DGKB: variants seen among roughly 807,000 people sequenced by gnomAD.
The protein encoded by DGKB is diacylglycerol kinase beta.
DGKB carries 67 observed loss-of-function variants against 114.3 expected under a neutral mutation model. That is an observed-to-expected ratio of 0.59 (90% confidence interval 0.48 to 0.72). The LOEUF (loss-of-function observed/expected upper bound fraction) is 0.72, where lower values mean the gene tolerates loss of function less well. Ranked by LOEUF, DGKB falls within the 30% of genes least tolerant of loss-of-function variation. DGKB has a pLI of 0.00. For missense variants in DGKB, 907 were observed against 975.2 expected, an observed-to-expected ratio of 0.93 and a Z score of 0.93; for synonymous variants, 398 against 323.1, an observed-to-expected ratio of 1.23 and a Z score of -2.49.
chr7:14,328,712 C>T (rs904350964), intron 23 of DGKB, among the ~76,000 whole-genome samples: 2 of 151,978 alleles, frequency 1.3e-5, no homozygotes, highest in South Asian at 4.1e-4. Context: ...AACAGTGCAG[C>T]ATTCAGCAGG....
chr7:14,685,540 A>C (rs1821532720), intron 9 of DGKB, among the ~76,000 whole-genome samples, 178 bp from the exon 10 acceptor site: 1 of 152,196 alleles, frequency 6.6e-6, no homozygotes, highest in Non-Finnish European at 1.5e-5. Context: ...CAGTGAAATG[A>C]GATAGTGCTA....
intron 23 of DGKB, among the ~76,000 whole-genome samples, chr7:14,186,875 T>A (rs957597103): frequency 6.6e-6 from 1 of 151,182 alleles, no homozygotes; most frequent in Non-Finnish European, 1.5e-5. Context: ...GGGGGAAGAG[T>A]TGGAGAGGGG....
intron 21 of DGKB, among the ~76,000 whole-genome samples, chr7:14,420,369 G>A (rs529621703): frequency 1.3e-5 from 2 of 151,934 alleles, no homozygotes; most frequent in Admixed American, 6.6e-5. Flanking sequence ...ATCTGCAAGA[G>A]GGTTTTCAGA....
intron 20 of DGKB, among the ~76,000 whole-genome samples, chr7:14,492,052 A>C (rs757255835): frequency 1.4e-4 from 22 of 152,108 alleles, no homozygotes; most frequent in Non-Finnish European, 2.8e-4. Flanking sequence ...TAAATGATTA[A>C]TTTTTAATTC....
intron 3 of DGKB, among the ~76,000 whole-genome samples, chr7:14,756,355 T>A (rs181961841): frequency 6.6e-6 from 1 of 151,988 alleles, no homozygotes; most frequent in East Asian, 1.9e-4. Flanking sequence ...GTTTAGCTGC[T>A]AATTTTTTTT....
At chr7:14,493,527 T>C (rs1013278220) in intron 20 of DGKB, among the ~76,000 whole-genome samples, 6 of 152,056 alleles carry the variant, frequency 3.9e-5, no homozygotes, top group African/African-American at 1.4e-4. Context: ...AACAAGATGA[T>C]ATGAAGCTTA....
intron 13 of DGKB, among the ~76,000 whole-genome samples, chr7:14,659,066 C>A (rs2049448): frequency 0.22 from 33,740 of 151,684 alleles, 4,742 homozygotes; most frequent in East Asian, 0.73. Context: ...GTTCTCCCTC[C>A]CCTAACCCCC....
chr7:14,714,526 A>G (rs1050357158), intron 6 of DGKB, among the ~76,000 whole-genome samples: 4 of 152,158 alleles, frequency 2.6e-5, no homozygotes, highest in Non-Finnish European at 2.9e-5. Flanking sequence ...AAAAAAAATA[A>G]GTATGTTAGT....
chr7:14,398,534 A>C (rs966505378), intron 21 of DGKB, among the ~76,000 whole-genome samples: 5 of 152,068 alleles, frequency 3.3e-5, no homozygotes, highest in Non-Finnish European at 7.4e-5. Context: ...AAAAAAGAAA[A>C]CTTACTGGGA....
intron 13 of DGKB, among the ~76,000 whole-genome samples, chr7:14,632,005 A>G (rs777825069): frequency 1.3e-4 from 19 of 151,948 alleles, no homozygotes; most frequent in South Asian, 4.1e-4. Context: ...CTTTTACCTT[A>G]GAAGAGTGTA....
At chr7:14,268,926 C>A (rs1797898485) in intron 23 of DGKB, 2 of 152,180 alleles carry the variant, frequency 1.3e-5, no homozygotes, top group Non-Finnish European at 2.9e-5. Context: ...CAAAACAACA[C>A]ACATTTATTA....
intron 1 of DGKB, among the ~76,000 whole-genome samples, chr7:14,862,817 C>G (rs1193617274): frequency 6.6e-6 from 1 of 152,070 alleles, no homozygotes; most frequent in East Asian, 1.9e-4. Flanking sequence ...CAACTTCATT[C>G]AACATTCACT....
intron 21 of DGKB, among the ~76,000 whole-genome samples, chr7:14,410,599 C>T (rs965610563): frequency 2.0e-5 from 3 of 152,062 alleles, no homozygotes; most frequent in Admixed American, 2.0e-4. Flanking sequence ...CTGAATAAAT[C>T]TGGCTACATA....
intron 23 of DGKB, among the ~76,000 whole-genome samples, chr7:14,254,572 T>C (rs372879622): frequency 1.3e-5 from 2 of 149,238 alleles, no homozygotes; most frequent in Non-Finnish European, 3.0e-5. Context: ...TTAATTAGCA[T>C]TGATCTATTT....
chr7:14,276,830 A>G (rs937978221), intron 23 of DGKB, among the ~76,000 whole-genome samples: 1 of 151,890 alleles, frequency 6.6e-6, no homozygotes, highest in South Asian at 2.1e-4. Context: ...TATTTTTAAA[A>G]TTATTATTAT....
intron 13 of DGKB, among the ~76,000 whole-genome samples, chr7:14,631,697 C>A (rs1267701531): frequency 6.6e-6 from 1 of 151,982 alleles, no homozygotes; most frequent in East Asian, 1.9e-4. Context: ...ACACCAGGGA[C>A]AACGAATATT....
chr7:14,244,701 CT>C (rs1358307709), intron 23 of DGKB, among the ~76,000 whole-genome samples: 3 of 147,032 alleles, frequency 2.0e-5, no homozygotes, highest in Non-Finnish European at 4.5e-5. Flanking sequence ...AAAGGGGTGC[CT>C]TTGGGAGTTG....
chr7:14,856,695 A>G (rs1374424720), intron 1 of DGKB, among the ~76,000 whole-genome samples: 1 of 152,044 alleles, frequency 6.6e-6, no homozygotes, highest in African/African-American at 2.4e-5. Flanking sequence ...TTCATCTAGT[A>G]TTCTATTAAT....
At chr7:14,708,735 A>G (rs1307963788) in intron 6 of DGKB, among the ~76,000 whole-genome samples, 1 of 151,154 alleles carries the variant, frequency 6.6e-6, no homozygotes, top group Non-Finnish European at 1.5e-5. Context: ...TATTTAATAA[A>G]TGGTGCTGGG....
Sources: allele counts gnomAD v4.1 joint callset (sites outside exome capture counted in the v4.1 genomes callset), GRCh38; gene constraint gnomAD v4.1.1; transcripts MANE v1.5; gene names NCBI Gene and HGNC (gene_info 2026-07-23, HGNC 2026-07-21).